The following NSMCE2 variants were observed in gnomAD, a reference collection of about 807,000 sequenced individuals.
The protein encoded by NSMCE2 is E3 SUMO-protein ligase NSE2.
Under a neutral mutation model 23.8 loss-of-function variants are expected in NSMCE2, and 24 were observed. The observed-to-expected ratio is 1.01, with a 90% CI of 0.73 to 1.42. The LOEUF (loss-of-function observed/expected upper bound fraction) is 1.42. Among genes scored for constraint, NSMCE2 ranks in the 40% most tolerant of loss-of-function variants. The probability of loss-of-function intolerance (pLI) is 0.00; values close to 1 mark genes in which losing one functional copy is unlikely to be tolerated. For missense variants in NSMCE2, 284 were observed against 296.5 expected (o/e 0.96, Z 0.31); for synonymous variants, 92 against 94.1 (o/e 0.98, Z 0.13).
At chr8:125,272,557 T>C (rs1827246983) in intron 5 of NSMCE2, among the ~76,000 whole-genome samples, 1 of 151,644 alleles carries the variant, frequency 6.6e-6, no homozygotes, top group African/African-American at 2.4e-5. Context: ...TGCTATGACA[T>C]CATTTCCGCT....
intron 5 of NSMCE2, among the ~76,000 whole-genome samples, chr8:125,196,962 C>T (rs1823653402): frequency 6.6e-6 from 1 of 152,168 alleles, no homozygotes; most frequent in South Asian, 2.1e-4. Flanking sequence ...TGATGATGGG[C>T]ATTTTTTCAT....
chr8:125,267,681 T>C (rs775533703), intron 5 of NSMCE2, among the ~76,000 whole-genome samples: 32 of 152,004 alleles, frequency 2.1e-4, no homozygotes, highest in South Asian at 2.1e-4. Flanking sequence ...GAGCCTGCGG[T>C]TGGGAGGATA....
chr8:125,106,726 TGG>T (rs1818477362), intron 3 of NSMCE2, among the ~76,000 whole-genome samples: 1 of 150,418 alleles, frequency 6.6e-6, no homozygotes, highest in Non-Finnish European at 1.5e-5. Context: ...CCGGGTGCTG[TGG>T]CTCACACTTG....
intron 5 of NSMCE2, among the ~76,000 whole-genome samples, chr8:125,302,249 G>A (rs1441773143): frequency 6.6e-6 from 1 of 152,194 alleles, no homozygotes; most frequent in African/African-American, 2.4e-5. Flanking sequence ...GAGCCACCAC[G>A]CCAGGTCCCA....
In NSMCE2 at chr8:125,366,763, C is replaced by T. The variant is rs754178035; in HGVS notation, c.627-5C>T. Reference sequence around the variant, plus strand: ...GACTGACTTGATGTTCTTTCTTTCTCACAGTTGCCCTCAAATTGGCTGTAG... The same window carrying T: ...GACTGACTTGATGTTCTTTCTTTCTTACAGTTGCCCTCAAATTGGCTGTAG... On this transcript the variant is annotated splice_polypyrimidine_tract_variant and splice_region_variant and intron_variant, in intron 7 of 7. Transcript: ENST00000287437. 1 of 1,553,790 alleles carries T rather than the reference C, an allele frequency of 6.4e-7. No homozygotes were observed. Among genetic ancestry groups the T allele is most frequent in the South Asian group, 1.1e-5 (1 of 89,758 alleles).
At chr8:125,238,936 C>T (rs1825661313) in intron 5 of NSMCE2, among the ~76,000 whole-genome samples, 1 of 152,084 alleles carries the variant, frequency 6.6e-6, no homozygotes, top group African/African-American at 2.4e-5. Context: ...CAGAGCTGTT[C>T]TTGTATATTG....
intron 3 of NSMCE2, among the ~76,000 whole-genome samples, chr8:125,149,544 G>C (rs1264663246): frequency 6.6e-6 from 1 of 152,076 alleles, no homozygotes; most frequent in Non-Finnish European, 1.5e-5. Flanking sequence ...AAAGTTTTTA[G>C]TTGAAATTTT....
At chr8:125,350,674 C>T (rs1012763687) in intron 5 of NSMCE2, among the ~76,000 whole-genome samples, 26 of 152,306 alleles carry the variant, frequency 1.7e-4, no homozygotes, top group Admixed American at 1.6e-3. Flanking sequence ...GGGAAACTCC[C>T]CTTTTTAAAA....
chr8:125,138,172 G>A (rs969486212), intron 3 of NSMCE2, among the ~76,000 whole-genome samples: 1 of 152,108 alleles, frequency 6.6e-6, no homozygotes, highest in Non-Finnish European at 1.5e-5. Flanking sequence ...TACTAATATA[G>A]GAAGGGAGAG....
intron 3 of NSMCE2, among the ~76,000 whole-genome samples, chr8:125,137,084 A>ATT (rs34095232): frequency 2.7e-5 from 4 of 150,890 alleles, no homozygotes; most frequent in African/African-American, 9.7e-5. Context: ...TGAAATCAAA[A>ATT]TTTTTTTTTT....
At position 125,146,033 on chromosome 8, in the gene NSMCE2, A is replaced by G. The variant is rs114076341; in HGVS notation, c.158-5138A>G. Among the ~76,000 whole-genome samples, 214 of 152,338 alleles carry G rather than the reference A, an allele frequency of 1.4e-3. 1 individual carries two copies. Among genetic ancestry groups the G allele is most frequent in the African/African-American group, 5.0e-3 (209 of 41,578 alleles). On this transcript the variant is annotated intron_variant, in intron 3 of 7. Coordinates refer to ENST00000287437, the MANE Select transcript of NSMCE2 (RefSeq NM_173685.4). Reference sequence around the variant, plus strand: ...GGGGAAAAATAATTTTCTTTTTGTTATCAGATTTCTTAAGGAATTTGGAAA... The same window carrying G: ...GGGGAAAAATAATTTTCTTTTTGTTGTCAGATTTCTTAAGGAATTTGGAAA...
chr8:125,105,232 G>T (rs145179145), intron 3 of NSMCE2, among the ~76,000 whole-genome samples: 427 of 152,298 alleles, frequency 2.8e-3, no homozygotes, highest in Non-Finnish European at 4.7e-3. Flanking sequence ...CTAACAGCAG[G>T]TGTCACTCAT....
At chr8:125,162,568 T>A (rs1205593139) in intron 4 of NSMCE2, among the ~76,000 whole-genome samples, 1 of 152,094 alleles carries the variant, frequency 6.6e-6, no homozygotes, top group Non-Finnish European at 1.5e-5. Context: ...GCTTGCAAAA[T>A]CAGCTTAGTA....
chr8:125,146,722 A>G (rs1820694647), intron 3 of NSMCE2, among the ~76,000 whole-genome samples: 1 of 152,064 alleles, frequency 6.6e-6, no homozygotes, highest in Admixed American at 6.6e-5. Flanking sequence ...CAGGAAGGGG[A>G]ACGTCACACA....
At chr8:125,311,211 C>A (rs1828961072) in intron 5 of NSMCE2, among the ~76,000 whole-genome samples, 1 of 152,158 alleles carries the variant, frequency 6.6e-6, no homozygotes, top group Admixed American at 6.5e-5. Context: ...TATTTCCTTT[C>A]TTTTACCAAA....
At chr8:125,263,875 C>T (rs184110913) in intron 5 of NSMCE2, among the ~76,000 whole-genome samples, 1 of 152,244 alleles carries the variant, frequency 6.6e-6, no homozygotes, top group East Asian at 1.9e-4. Flanking sequence ...GTGTTTTACT[C>T]ACTGCTGTCT....
chr8:125,244,349 AG>A (rs1271910779), intron 5 of NSMCE2, among the ~76,000 whole-genome samples: 3 of 152,078 alleles, frequency 2.0e-5, no homozygotes, highest in Non-Finnish European at 4.4e-5. Context: ...TAAAGAGAGG[AG>A]GGGAAAAAAC....
intron 5 of NSMCE2, among the ~76,000 whole-genome samples, chr8:125,199,035 C>T (rs977245583): frequency 1.3e-5 from 2 of 152,058 alleles, no homozygotes; most frequent in African/African-American, 2.4e-5. Flanking sequence ...GTGGTGATAT[C>T]CCCTTTATCA....
At chr8:125,307,624 T>A (rs1395333678) in intron 5 of NSMCE2, among the ~76,000 whole-genome samples, 1 of 152,150 alleles carries the variant, frequency 6.6e-6, no homozygotes, top group Non-Finnish European at 1.5e-5. Flanking sequence ...ATACCTCCCT[T>A]CTTCCAAGAG....
Sources: gnomAD v4.1 joint callset for allele counts (sites outside exome capture counted in the v4.1 genomes callset) on GRCh38, gnomAD v4.1.1 for gene constraint, MANE v1.5 for transcripts, NCBI Gene and HGNC (gene_info 2026-07-23, HGNC 2026-07-21) for gene names.